The following MAPK9 variants were observed in gnomAD, a reference collection of about 807,000 sequenced individuals.
MAPK9 encodes the protein Jun kinase.
MAPK9 carries 30 observed loss-of-function variants against 57.1 expected under a neutral mutation model. That is an observed-to-expected ratio of 0.53 (90% CI 0.39 to 0.71). The LOEUF is 0.71. Ranked by LOEUF, MAPK9 falls within the 30% of genes least tolerant of loss-of-function variation. The probability of loss-of-function intolerance (pLI) is 0.00; values close to 1 mark genes in which losing one functional copy is unlikely to be tolerated. For synonymous variants in MAPK9, 155 were observed against 177.0 expected (o/e 0.88, Z 0.99); for missense variants, 362 against 521.0 (o/e 0.69, Z 2.97).
intron 7 of MAPK9, among the ~76,000 whole-genome samples, chr5:180,243,542 G>A (rs552940633): frequency 3.3e-4 from 51 of 152,280 alleles, no homozygotes; most frequent in Middle Eastern, 3.4e-3. Flanking sequence ...CTATACAAGA[G>A]AATGCAAGTG....
In MAPK9 at chr5:180,261,714, T is replaced by C. The variant is rs375640923; in HGVS notation, c.420A>G (p.Lys140=). The change falls in exon 5 of 12, where the codon AAA becomes AAG. Residue 140 remains lysine, a synonymous_variant. Transcript: ENST00000452135. The part of the protein sequence containing the change: ...YLLYQMLCGI[K]HLHSAGIIHR... ...GAATTATACCAGCTGAATGCAGATG[T>C]TTAATACCACAAAGCATCTGGTAAA... The C allele has an allele frequency of 1.8e-4, 292 of 1,612,486 alleles. No individual in the cohort carries two copies. The highest frequency in any genetic ancestry group is 2.5e-4 in the Admixed American group (15 of 59,818).
At position 180,292,050 on chromosome 5, in the gene MAPK9, TCTC is replaced by T. The variant is rs1340958572; in HGVS notation, c.-253_-251del. 6.6e-6 allele frequency: 1 copy of T among 152,266 alleles called. No homozygotes were observed. Among genetic ancestry groups the T allele is most frequent in the East Asian group, 2.0e-4 (1 of 5,124 alleles). The allele number at this position is 152,266 out of a possible 1,614,324, so 9.4% of individuals were successfully genotyped here. On this transcript the variant is annotated 5_prime_UTR_variant, in exon 1 of 12. Coordinates refer to ENST00000452135, the MANE Select transcript of MAPK9 (RefSeq NM_002752.5). Reference sequence around the variant, plus strand: ...TGCGACCCTTCCGGTCCCGCTCCCTTCTCCGCCGCTGCCGCCGCCGCGGCGCCC... The same window carrying T: ...TGCGACCCTTCCGGTCCCGCTCCCTTCGCCGCTGCCGCCGCCGCGGCGCCC...
intron 5 of MAPK9, among the ~76,000 whole-genome samples, chr5:180,259,189 C>G (rs1173174767): frequency 1.3e-5 from 2 of 152,214 alleles, no homozygotes; most frequent in African/African-American, 2.4e-5. Context: ...AGAACTCACA[C>G]TGGAGAGGCA....
chr5:180,246,463 T>G (rs1419616431), intron 7 of MAPK9: 1 of 152,228 alleles, frequency 6.6e-6, no homozygotes, highest in Non-Finnish European at 1.5e-5. Context: ...ATAAAATTAT[T>G]AAAATCTGAA....
chr5:180,281,496 G>A (rs1456295006), intron 1 of MAPK9, among the ~76,000 whole-genome samples: 1 of 152,168 alleles, frequency 6.6e-6, no homozygotes, highest in Non-Finnish European at 1.5e-5. Flanking sequence ...AAGTCAGCAA[G>A]CTATTTATTT....
chr5:180,284,387 C>G (rs570307903), intron 1 of MAPK9, among the ~76,000 whole-genome samples: 2 of 152,328 alleles, frequency 1.3e-5, no homozygotes, highest in South Asian at 4.1e-4. Context: ...ACTGTCACAG[C>G]CTTTGTAGGG....
At chr5:180,273,312 T>G (rs1761520048) in intron 2 of MAPK9, among the ~76,000 whole-genome samples, 1 of 152,224 alleles carries the variant, frequency 6.6e-6, no homozygotes, top group African/African-American at 2.4e-5. Flanking sequence ...ATCTTTTCAG[T>G]TTCTTGATCT....
At chr5:180,253,692 A>ATGTT (rs1758948509) in intron 5 of MAPK9, 1 of 152,294 alleles carries the variant, frequency 6.6e-6, no homozygotes, top group African/African-American at 2.4e-5. Flanking sequence ...GGGTACCAAC[A>ATGTT]GGGAAGGCAC....
intron 5 of MAPK9, 101 bp from the exon 6 acceptor site, chr5:180,249,239 G>A: frequency 9.2e-7 from 1 of 1,082,164 alleles, no homozygotes; most frequent in Non-Finnish European, 1.3e-6. Context: ...AGTGTAGGGA[G>A]TGAACTGAAC....
At chr5:180,261,918 C>G (rs974244254) in intron 4 of MAPK9, 96 bp from the exon 5 acceptor site, 1 of 1,017,560 alleles carries the variant, frequency 9.8e-7, no homozygotes, top group African/African-American at 1.6e-5. Flanking sequence ...AATCACTGCA[C>G]TGGCTAAAGT....
chr5:180,288,548 T>C (rs1003588349), intron 1 of MAPK9, among the ~76,000 whole-genome samples: 1 of 152,178 alleles, frequency 6.6e-6, no homozygotes, highest in African/African-American at 2.4e-5. Flanking sequence ...ACTGTACACC[T>C]CCTGAGCACC....
intron 2 of MAPK9, among the ~76,000 whole-genome samples, chr5:180,273,611 T>C (rs944485957): frequency 6.6e-6 from 1 of 152,270 alleles, no homozygotes; most frequent in African/African-American, 2.4e-5. Flanking sequence ...TATGTTCAAA[T>C]AGCTTTACTG....
At chr5:180,269,967 T>C (rs1761100815) in intron 2 of MAPK9, among the ~76,000 whole-genome samples, 1 of 152,230 alleles carries the variant, frequency 6.6e-6, no homozygotes, top group African/African-American at 2.4e-5. Flanking sequence ...GCAACTGCTA[T>C]ATAAAGTTCT....
At chr5:180,246,210 C>T (rs1422563849) in intron 7 of MAPK9, 2 of 152,086 alleles carry the variant, frequency 1.3e-5, no homozygotes, top group African/African-American at 4.8e-5. Context: ...AATTTTTCAA[C>T]TTTTCCCTTT....
intron 2 of MAPK9, among the ~76,000 whole-genome samples, chr5:180,271,704 G>T (rs1199722922): frequency 1.3e-4 from 20 of 152,020 alleles, no homozygotes; most frequent in Admixed American, 1.2e-3. Context: ...TATCACTAAC[G>T]GCCAGAGTTG....
chr5:180,240,231 C>T (rs567598389), intron 9 of MAPK9, among the ~76,000 whole-genome samples: 12 of 152,312 alleles, frequency 7.9e-5, no homozygotes, highest in South Asian at 2.1e-4. Flanking sequence ...GACCTCAAAA[C>T]GCAGACATCT....
chr5:180,274,922 A>T (rs1581277940), intron 2 of MAPK9, among the ~76,000 whole-genome samples: 1 of 152,254 alleles, frequency 6.6e-6, no homozygotes, highest in East Asian at 1.9e-4. Context: ...CTCTTCAGTT[A>T]TATCTAGCAT....
In MAPK9 at chr5:180,291,131, C is replaced by T. The variant is rs184844236; in HGVS notation, c.-48+717G>A. Among the ~76,000 whole-genome samples, 684 of 152,008 alleles carry T rather than the reference C, an allele frequency of 4.5e-3. 10 individuals carry two copies. The highest frequency in any genetic ancestry group is 0.04 in the East Asian group (202 of 5,046). On this transcript the variant is annotated intron_variant, in intron 1 of 11. Coordinates refer to ENST00000452135, the MANE Select transcript of MAPK9 (RefSeq NM_002752.5). ...TCCAAAGACGGGGAAACAGCAAATG[C>T]AAAGGTCCTGGGGCAAATGCGGGCT...
At chr5:180,271,144 T>C (rs1393463070) in intron 2 of MAPK9, among the ~76,000 whole-genome samples, 1 of 152,194 alleles carries the variant, frequency 6.6e-6, no homozygotes, top group Non-Finnish European at 1.5e-5. Context: ...TTCAGAACAA[T>C]ATGCTGGACA....
Sources: gnomAD v4.1 joint callset for allele counts (sites outside exome capture counted in the v4.1 genomes callset) on GRCh38, gnomAD v4.1.1 for gene constraint, MANE v1.5 for transcripts, NCBI Gene and HGNC (gene_info 2026-07-23, HGNC 2026-07-21) for gene names.